DPP6: variants seen among roughly 807,000 people sequenced by gnomAD.
DPP6 encodes dipeptidyl peptidase like 6.
Under a neutral mutation model 122.6 loss-of-function variants are expected in DPP6, and 69 were observed. That is an observed-to-expected ratio of 0.56 (90% confidence interval 0.46 to 0.69). DPP6 has a LOEUF of 0.69. DPP6 is among the 30% of genes least tolerant of loss of function. DPP6 has a pLI of 0.00. For missense variants in DPP6, 928 were observed against 1,116.9 expected (o/e 0.83, Z 2.41); for synonymous variants, 418 against 433.1 (o/e 0.97, Z 0.43).
In DPP6 at chr7:154,169,240, T is replaced by TAG. The variant is rs1465116433; in HGVS notation, c.243+116180_243+116181dup. Among the ~76,000 whole-genome samples the TAG allele has an allele frequency of 2.3e-4, 35 of 152,200 alleles. 1 individual carries two copies. The highest frequency in any genetic ancestry group is 2.4e-4 in the Non-Finnish European group (16 of 68,034). On this transcript the variant is annotated intron_variant, in intron 1 of 25. Transcript: ENST00000377770. ...TCAGGCAAGAACCCGGTTGGCCTGG[T>TAG]AGAGTCTTATGCCCATCCTTGAAGC...
At chr7:154,664,294 C>T (rs1354432440) in intron 6 of DPP6, among the ~76,000 whole-genome samples, 1 of 152,238 alleles carries the variant, frequency 6.6e-6, no homozygotes, top group African/African-American at 2.4e-5. Flanking sequence ...TGCAGTCTTG[C>T]AAGGCACTGC....
At chr7:153,773,326 A>ATTT in the DPP6 span, among the ~76,000 whole-genome samples, 169 of 47,250 alleles carry the variant, frequency 3.6e-3, 1 homozygote, top group African/African-American at 8.4e-3. Context: ...ATATATATAT[A>ATTT]TATATTTTTT....
At position 154,483,832 on chromosome 7, in the gene DPP6, T is replaced by A. The variant is rs966152706; in HGVS notation, c.457+8795T>A. 6.6e-6 allele frequency among the ~76,000 whole-genome samples: 1 copy of A among 152,084 alleles called. No homozygotes were observed. The highest frequency in any genetic ancestry group is 1.5e-5 in the Non-Finnish European group (1 of 68,000). On this transcript the variant is annotated intron_variant, in intron 3 of 25. Transcript: ENST00000377770. This position sits in a 1 kb window ranked among gnomAD's most constrained non-coding sequence, Gnocchi z 8.1. ...GCCTCAGCCTCCCTAGTAGCTGGGA[T>A]TACAGGTGCACACCATCACGCCTAG... is the stretch of plus-strand genomic sequence containing the variant.
intron 1 of DPP6, among the ~76,000 whole-genome samples, chr7:154,382,187 G>A (rs564723158): frequency 5.3e-5 from 8 of 150,142 alleles, no homozygotes; most frequent in Admixed American, 2.7e-4. Context: ...AAAATCGTCC[G>A]CATTTTTTTT....
the DPP6 span, among the ~76,000 whole-genome samples, chr7:153,877,975 A>G: frequency 2.5e-4 from 38 of 152,368 alleles, no homozygotes; most frequent in Admixed American, 2.1e-3. Context: ...CGCACGTCAC[A>G]AAAGAAAATA....
intron 1 of DPP6, among the ~76,000 whole-genome samples, chr7:153,954,678 T>C (rs891144373): frequency 6.6e-6 from 1 of 152,128 alleles, no homozygotes; most frequent in African/African-American, 2.4e-5. Context: ...ATCCAATCAG[T>C]TGAAGGCCCA....
At chr7:153,978,728 A>C (rs181604539) in intron 1 of DPP6, among the ~76,000 whole-genome samples, 5 of 152,284 alleles carry the variant, frequency 3.3e-5, no homozygotes, top group African/African-American at 1.2e-4. Flanking sequence ...TTTTGTATAA[A>C]GTGTAAGGAA....
chr7:154,880,820 G>C (rs1805327612), intron 20 of DPP6, 68 bp from the exon 21 acceptor site: 1 of 1,613,550 alleles, frequency 6.2e-7, no homozygotes, highest in Non-Finnish European at 8.5e-7. Context: ...ACATGGCTCT[G>C]GGCTACAGGA....
chr7:154,764,718 C>A (rs147877884), intron 8 of DPP6, among the ~76,000 whole-genome samples: 209 of 152,284 alleles, frequency 1.4e-3, no homozygotes, highest in African/African-American at 4.8e-3. Flanking sequence ...GCCCACTTTC[C>A]CCGAGTTGCA....
chr7:154,552,089 T>G (rs1829682601), intron 4 of DPP6, among the ~76,000 whole-genome samples: 1 of 152,172 alleles, frequency 6.6e-6, no homozygotes, highest in South Asian at 2.1e-4. Context: ...CCATGCCAAG[T>G]TAGGTGGATC....
chr7:154,036,775 A>G (rs1429755493), intron 1 of DPP6, among the ~76,000 whole-genome samples: 1 of 152,010 alleles, frequency 6.6e-6, no homozygotes, highest in African/African-American at 2.4e-5. Context: ...TTCAGTGTCC[A>G]TGGAAAAACA....
intron 3 of DPP6, among the ~76,000 whole-genome samples, chr7:154,512,452 C>G (rs1220467471): frequency 6.6e-6 from 1 of 152,166 alleles, no homozygotes; most frequent in Non-Finnish European, 1.5e-5. Context: ...TGACACATCA[C>G]TAAAGCTTTG....
intron 3 of DPP6, among the ~76,000 whole-genome samples, chr7:154,492,328 A>C (rs1824347118): frequency 6.6e-6 from 1 of 152,196 alleles, no homozygotes; most frequent in Non-Finnish European, 1.5e-5. Context: ...CAGTGCAAAC[A>C]TCAGATAGCA....
At chr7:154,518,943 G>T (rs1382678092) in intron 3 of DPP6, among the ~76,000 whole-genome samples, 3 of 152,098 alleles carry the variant, frequency 2.0e-5, no homozygotes, top group Admixed American at 6.5e-5. Flanking sequence ...TAGGACTCCA[G>T]GTTAGGGAAC....
intron 1 of DPP6, among the ~76,000 whole-genome samples, chr7:154,186,414 G>A (rs956512289): frequency 6.6e-6 from 1 of 152,230 alleles, no homozygotes; most frequent in Non-Finnish European, 1.5e-5. Flanking sequence ...TTTAGCCACT[G>A]ACATCTCCGA....
chr7:153,886,109 CCTTA>C (rs1307710404), upstream of DPP6, among the ~76,000 whole-genome samples: 1 of 102,230 alleles, frequency 9.8e-6, no homozygotes, highest in East Asian at 2.5e-4. Context: ...GCTGGCACGC[CCTTA>C]CACACACACA....
intron 8 of DPP6, among the ~76,000 whole-genome samples, chr7:154,768,035 C>T (rs1225690902): frequency 1.3e-5 from 2 of 152,220 alleles, no homozygotes; most frequent in African/African-American, 4.8e-5. Flanking sequence ...CATGCAGGCA[C>T]ATCACACCCT....
chr7:154,385,047 G>A (rs915870073), intron 1 of DPP6, among the ~76,000 whole-genome samples: 22 of 151,888 alleles, frequency 1.4e-4, no homozygotes, highest in African/African-American at 2.9e-4. Flanking sequence ...CTCGGCTCAC[G>A]GCAAGCTCTG....
chr7:154,430,476 C>T (rs1432026703), intron 1 of DPP6, among the ~76,000 whole-genome samples: 1 of 152,162 alleles, frequency 6.6e-6, no homozygotes, highest in African/African-American at 2.4e-5. Context: ...TGGCAGAGAG[C>T]ACAGAGCAGG....
Sources: gnomAD v4.1 joint callset for allele counts (sites outside exome capture counted in the v4.1 genomes callset) on GRCh38, gnomAD v4.1.1 for gene constraint, Gnocchi (gnomAD v3.1) non-coding constraint, MANE v1.5 for transcripts, NCBI Gene and HGNC (gene_info 2026-07-23, HGNC 2026-07-21) for gene names.